Variants in ROR2 observed in about 807,000 individuals in gnomAD.
ROR2 encodes the protein ROR family WNT receptor 2.
A neutral mutation model predicts 74.9 loss-of-function variants in ROR2; 33 were observed. The observed-to-expected ratio is 0.44, with a 90% confidence interval of 0.33 to 0.59. ROR2 has a LOEUF of 0.59. ROR2 is among the 20% of genes least tolerant of loss of function. The pLI is 0.02. For synonymous variants in ROR2, 586 were observed against 558.7 expected, an observed-to-expected ratio of 1.05 and a Z score of -0.69; for missense variants, 1,216 against 1,313.8, an observed-to-expected ratio of 0.93 and a Z score of 1.15.
At chr9:91,896,999 GGGAA>G in intron 1 of ROR2, among the ~76,000 whole-genome samples, 1 of 152,342 alleles carries the variant, frequency 6.6e-6, no homozygotes, top group Non-Finnish European at 1.5e-5. Flanking sequence ...TGGGAGCAAA[GGGAA>G]GGAAGGGGAA....
In ROR2 at chr9:91,905,664, A is replaced by C. The variant is rs908708062; in HGVS notation, c.97+44203T>G. Among the ~76,000 whole-genome samples the C allele has an allele frequency of 6.7e-6, 1 of 149,562 alleles. No homozygotes were observed. Among genetic ancestry groups the C allele is most frequent in the Non-Finnish European group, 1.5e-5 (1 of 67,224 alleles). ...CACACATAACACACACGTACACCAC[A>C]CATACACTCCAAAATCTGTTTTTCT... is the stretch of plus-strand genomic sequence containing the variant. On this transcript the variant is annotated intron_variant, in intron 1 of 8. Coordinates refer to ENST00000375708, the MANE Select transcript of ROR2 (RefSeq NM_004560.4). This position sits in a 1 kb window ranked among gnomAD's most constrained non-coding sequence, Gnocchi z 5.3.
intron 1 of ROR2, among the ~76,000 whole-genome samples, chr9:91,818,773 G>A (rs1055760325): frequency 2.0e-5 from 3 of 152,102 alleles, no homozygotes; most frequent in Non-Finnish European, 4.4e-5. Context: ...TACCAATGGC[G>A]TGGAGAACAG....
At chr9:91,903,462 G>A (rs967232051) in intron 1 of ROR2, among the ~76,000 whole-genome samples, 3 of 152,096 alleles carry the variant, frequency 2.0e-5, no homozygotes, top group East Asian at 3.9e-4. Flanking sequence ...CCAAGAAGTC[G>A]ATTCGTTGTG....
chr9:91,888,726 G>A (rs1332546434), intron 1 of ROR2, among the ~76,000 whole-genome samples: 2 of 152,212 alleles, frequency 1.3e-5, no homozygotes, highest in South Asian at 2.1e-4. Flanking sequence ...GAAACAAGGG[G>A]CAACTGGACA....
intron 1 of ROR2, among the ~76,000 whole-genome samples, chr9:91,897,120 T>C (rs1340883514): frequency 6.6e-6 from 1 of 152,208 alleles, no homozygotes; most frequent in African/African-American, 2.4e-5. Context: ...ACGGGTGGGT[T>C]GTGGAGCCCC....
chr9:91,901,394 C>G (rs1830674088), intron 1 of ROR2, among the ~76,000 whole-genome samples: 1 of 136,918 alleles, frequency 7.3e-6, no homozygotes, highest in Non-Finnish European at 1.6e-5. Flanking sequence ...CCAACAGTGT[C>G]CTTCCTCACT....
At chr9:91,823,861 C>G (rs1439562884) in intron 1 of ROR2, among the ~76,000 whole-genome samples, 1 of 152,202 alleles carries the variant, frequency 6.6e-6, no homozygotes. Context: ...TCCAAATGCC[C>G]AAGGCATCTC....
At chr9:91,892,052 G>GAAAA (rs74312809) in intron 1 of ROR2, among the ~76,000 whole-genome samples, 10 of 71,022 alleles carry the variant, frequency 1.4e-4, no homozygotes, top group African/African-American at 2.2e-4. Flanking sequence ...TGTCTAAGAA[G>GAAAA]AAAAAAAAAA....
intron 1 of ROR2, among the ~76,000 whole-genome samples, chr9:91,873,273 G>A (rs1564012420): frequency 6.6e-6 from 1 of 152,156 alleles, no homozygotes. Flanking sequence ...GCTCTCTCTA[G>A]CAAGAGCATT....
In ROR2 at chr9:91,723,618, T is replaced by C; in HGVS notation, c.*44A>G. The C allele has an allele frequency of 2.5e-6, 4 of 1,606,484 alleles. No homozygotes were observed. The highest frequency in any genetic ancestry group is 3.4e-6 in the Non-Finnish European group (4 of 1,177,620). Reference sequence around the variant, plus strand: ...AAAGGTGACTGAGGTCCCTGTGGGGTCTCGGCGGGGCTTCTATCCCCGAAC... The same window carrying C: ...AAAGGTGACTGAGGTCCCTGTGGGGCCTCGGCGGGGCTTCTATCCCCGAAC... On this transcript the variant is annotated 3_prime_UTR_variant, in exon 9 of 9. Transcript: ENST00000375708.
chr9:91,941,550 A>C (rs886389578), intron 1 of ROR2, among the ~76,000 whole-genome samples: 16 of 152,216 alleles, frequency 1.1e-4, no homozygotes, highest in Admixed American at 1.0e-3. Flanking sequence ...CAGGAAAGAC[A>C]AGTCTGACAA....
chr9:91,898,045 G>A (rs1830581744), intron 1 of ROR2, among the ~76,000 whole-genome samples: 1 of 152,092 alleles, frequency 6.6e-6, no homozygotes, highest in Admixed American at 6.5e-5. Context: ...CACACCCCGA[G>A]AACCCCTCGG....
At chr9:91,828,723 A>T (rs373337341) in intron 1 of ROR2, among the ~76,000 whole-genome samples, 1 of 152,270 alleles carries the variant, frequency 6.6e-6, no homozygotes, top group East Asian at 1.9e-4. Flanking sequence ...CAAATAAATA[A>T]ATAAATAAAG....
At chr9:91,910,582 A>G (rs1334407352) in intron 1 of ROR2, among the ~76,000 whole-genome samples, 1 of 152,236 alleles carries the variant, frequency 6.6e-6, no homozygotes, top group African/African-American at 2.4e-5. Flanking sequence ...CATACATCTA[A>G]TAACAGGTTA....
Position 91,784,259 on chromosome 9 carries a change from C to T in ROR2, c.98-8441G>A, listed in dbSNP as rs1206984278. On this transcript the variant is annotated intron_variant, in intron 1 of 8. Transcript: ENST00000375708. ...CTCAAATCCCACACCCAATCCATCA[C>T]GAAATGCTGTTTGCTCTATCTGCAG... 9.2e-5 allele frequency among the ~76,000 whole-genome samples: 14 copies of T among 152,296 alleles called. No homozygotes were observed. The South Asian group carries it at 1.4e-3, about 16-fold the overall frequency.
intron 1 of ROR2, among the ~76,000 whole-genome samples, chr9:91,903,252 G>C (rs1465303289): frequency 6.6e-6 from 1 of 152,100 alleles, no homozygotes; most frequent in Non-Finnish European, 1.5e-5. Context: ...GCCCCTGACT[G>C]CAGTCGGCCC....
chr9:91,935,696 C>T (rs557203622), intron 1 of ROR2, among the ~76,000 whole-genome samples: 1 of 152,314 alleles, frequency 6.6e-6, no homozygotes, highest in South Asian at 2.1e-4. Flanking sequence ...TCTACCAGCA[C>T]CCACCCCCGG....
Position 91,733,148 on chromosome 9 carries a change from C to A in ROR2, c.911G>T (p.Gly304Val). The change falls in exon 6 of 9, where the codon GGC (glycine) becomes GTC (valine). Residue 304 changes from glycine (G) to valine (V), a missense_variant. By Grantham distance (109) the Gly-to-Val change is moderately radical. Transcript: ENST00000375708. This position sits in a 1 kb window ranked among gnomAD's most constrained non-coding sequence, Gnocchi z 5.7. ...GCGGCCCAGCCTCTCGGCTGGGATG[C>A]CAATGCGCATGCAGTTGGCAGCGTC... ...SPDAANCMRI[G>V]IPAERLGRYH... 6.2e-7 allele frequency: 1 copy of A among 1,600,712 alleles called. No homozygotes were observed. Among genetic ancestry groups the A allele is most frequent in the South Asian group, 1.1e-5 (1 of 89,146 alleles).
intron 2 of ROR2, among the ~76,000 whole-genome samples, chr9:91,772,475 T>G (rs1354326414): frequency 6.6e-6 from 1 of 152,224 alleles, no homozygotes; most frequent in Non-Finnish European, 1.5e-5. Flanking sequence ...AAGCCACCAT[T>G]TATCCAGGCC....
Sources: gnomAD v4.1 joint callset for allele counts (sites outside exome capture counted in the v4.1 genomes callset) on GRCh38, gnomAD v4.1.1 for gene constraint, Gnocchi (gnomAD v3.1) non-coding constraint, MANE v1.5 for transcripts, NCBI Gene and HGNC (gene_info 2026-07-23, HGNC 2026-07-21) for gene names.